The following UBXN11 variants were observed in gnomAD, a reference collection of about 807,000 sequenced individuals.
The protein encoded by UBXN11 is UBX domain-containing protein 11.
Under a neutral mutation model 62.8 loss-of-function variants are expected in UBXN11, and 47 were observed. That is an observed-to-expected ratio of 0.75 (90% CI 0.59 to 0.95). The LOEUF is 0.95. Ranked by LOEUF, UBXN11 falls within the 40% of genes least tolerant of loss-of-function variation. The pLI, the probability that UBXN11 is intolerant of heterozygous loss-of-function variation, is 0.00. For missense variants in UBXN11, 638 were observed against 661.7 expected (o/e 0.96, Z 0.39); for synonymous variants, 294 against 267.0 (o/e 1.10, Z -0.99).
Position 26,288,659 on chromosome 1 carries a change from C to CA in UBXN11, c.560-2623dup, listed in dbSNP as rs548950179. Among the ~76,000 whole-genome samples, 148 of 152,272 alleles carry CA rather than the reference C, an allele frequency of 9.7e-4. 1 individual carries two copies. Among genetic ancestry groups the CA allele is most frequent in the Non-Finnish European group, 1.7e-3 (116 of 68,006 alleles). On this transcript the variant is annotated intron_variant, in intron 8 of 14. Transcript: ENST00000374222. ...TCTGCCCTGAGCTAGCAGCAGAACT[C>CA]AAATGGAAAGGCACTTCCTCTTTGA...
intron 3 of UBXN11, among the ~76,000 whole-genome samples, chr1:26,301,340 A>G (rs2073529088): frequency 6.6e-6 from 1 of 152,022 alleles, no homozygotes; most frequent in Admixed American, 6.5e-5. Context: ...AAAGGCTGTC[A>G]CACTGGAGGA....
At chr1:26,301,327 G>A (rs1203911473) in intron 3 of UBXN11, among the ~76,000 whole-genome samples, 2 of 152,090 alleles carry the variant, frequency 1.3e-5, no homozygotes, top group Non-Finnish European at 2.9e-5. Flanking sequence ...GGCCTCCCGG[G>A]AGAAAGGCTG....
chr1:26,299,607 C>T (rs1017967323), intron 4 of UBXN11, among the ~76,000 whole-genome samples: 1 of 151,262 alleles, frequency 6.6e-6, no homozygotes, highest in Non-Finnish European at 1.5e-5. Flanking sequence ...AATGGGAGGG[C>T]AGCAGCTTGG....
chr1:26,287,922 C>T (rs1374845362), intron 8 of UBXN11, among the ~76,000 whole-genome samples: 9 of 142,326 alleles, frequency 6.3e-5, no homozygotes, highest in Non-Finnish European at 1.2e-4. Flanking sequence ...TTTTTTTTTC[C>T]GAGAAAGGGT....
intron 8 of UBXN11, among the ~76,000 whole-genome samples, chr1:26,293,262 G>A (rs1313564145): frequency 1.3e-5 from 2 of 152,146 alleles, no homozygotes; most frequent in Non-Finnish European, 2.9e-5. Context: ...CGAGTTGAGG[G>A]CCCAGGTGTG....
intron 8 of UBXN11, among the ~76,000 whole-genome samples, chr1:26,287,490 G>A (rs532341335): frequency 2.0e-5 from 3 of 151,806 alleles, no homozygotes; most frequent in African/African-American, 4.9e-5. Context: ...ATCTGTTTGG[G>A]TGTGCCCTAC....
At chr1:26,314,091 A>G (rs1222801357) in intron 1 of UBXN11, among the ~76,000 whole-genome samples, 2 of 152,112 alleles carry the variant, frequency 1.3e-5, no homozygotes, top group Admixed American at 6.6e-5. Context: ...GTTCTTTACT[A>G]TAATTTCTAG....
At chr1:26,297,377 G>A in intron 6 of UBXN11, 50 bp downstream of exon 6, 1 of 1,487,316 alleles carries the variant, frequency 6.7e-7, no homozygotes, top group East Asian at 2.5e-5. Context: ...CCTGGGCCCA[G>A]GGGAGGTGCC....
intron 1 of UBXN11, among the ~76,000 whole-genome samples, chr1:26,304,579 C>G (rs2073616638): frequency 6.6e-6 from 1 of 152,026 alleles, no homozygotes; most frequent in Non-Finnish European, 1.5e-5. Flanking sequence ...GTGGCAAAAC[C>G]CCATCTCTAC....
At position 26,282,682 on chromosome 1, in the gene UBXN11, A is replaced by G. The variant is rs372018986; in HGVS notation, c.1259T>C (p.Ile420Thr). 164 of 1,614,148 alleles carry G rather than the reference A, an allele frequency of 1.0e-4. No individual in the cohort carries two copies. The highest frequency in any genetic ancestry group is 2.8e-4 in the African/African-American group (21 of 75,062). Residue 420 changes from isoleucine (I) to threonine (T), a missense_variant, in exon 14 of 15, where the codon ATT becomes ACT. Ile to Thr is a moderately conservative substitution (Grantham distance 89, BLOSUM62 -1). Transcript: ENST00000374222. ...FLLMMQPDNT[I>T]GDVRALLAQA... is the part of the protein sequence containing the mutation. The stretch of plus-strand genomic sequence containing the variant: ...CGCTAGCAGAGCTCGCACGTCCCCA[A>G]TGGTGTTGTCAGGCTGCATCATCAG...
At chr1:26,291,205 G>C (rs925160045) in intron 8 of UBXN11, among the ~76,000 whole-genome samples, 1 of 152,218 alleles carries the variant, frequency 6.6e-6, no homozygotes, top group Non-Finnish European at 1.5e-5. Context: ...TCAGCCGAGT[G>C]TCAGGCAGGC....
intron 8 of UBXN11, among the ~76,000 whole-genome samples, chr1:26,289,132 C>T (rs2073198850): frequency 1.3e-5 from 2 of 152,218 alleles, no homozygotes; most frequent in Admixed American, 1.3e-4. Flanking sequence ...CCTCGCCTTG[C>T]GCTCTGGTGG....
chr1:26,286,213 T>C (rs1019363287), intron 8 of UBXN11, among the ~76,000 whole-genome samples, 176 bp from the exon 9 acceptor site: 4 of 152,254 alleles, frequency 2.6e-5, no homozygotes, highest in African/African-American at 4.8e-5. Flanking sequence ...TGAGCACTTA[T>C]TTTGTGCTAG....
At chr1:26,284,272 C>T in intron 11 of UBXN11, 27 bp from the exon 12 acceptor site, 2 of 1,606,786 alleles carry the variant, frequency 1.2e-6, no homozygotes, top group Non-Finnish European at 1.7e-6. Context: ...GAACCGGGGC[C>T]CAGGAAGGAC....
At chr1:26,314,911 C>T (rs1023869275) in intron 1 of UBXN11, among the ~76,000 whole-genome samples, 2 of 152,058 alleles carry the variant, frequency 1.3e-5, no homozygotes, top group African/African-American at 4.8e-5. Context: ...AGCAAAACTC[C>T]ACCCTCCACC....
At chr1:26,286,069 CT>C in intron 8 of UBXN11, 32 bp from the exon 9 acceptor site, 1 of 1,560,476 alleles carries the variant, frequency 6.4e-7, no homozygotes, top group Non-Finnish European at 8.7e-7. Context: ...TGTGAGCCGC[CT>C]TTTGGCTGTC....
At chr1:26,307,988 C>T (rs1253104289), upstream of UBXN11, among the ~76,000 whole-genome samples, 2 of 152,010 alleles carry the variant, frequency 1.3e-5, no homozygotes, top group Non-Finnish European at 2.9e-5. Flanking sequence ...AGATGAGGGC[C>T]GGGCGTGGTG....
intron 7 of UBXN11, 24 bp downstream of exon 7, chr1:26,296,895 T>G: frequency 6.3e-7 from 1 of 1,589,024 alleles, no homozygotes. Context: ...GCTGCCCGCA[T>G]CCCCCGGGGC....
In UBXN11 at chr1:26,284,487, C is replaced by G. The variant is rs775271796; in HGVS notation, c.853-5G>C. Reference sequence around the variant, plus strand: ...CTGATTGCGCAAGTCACTCACCTGGCAAGAAAGAAGGGCAACGACGGCAGC... The same window carrying G: ...CTGATTGCGCAAGTCACTCACCTGGGAAGAAAGAAGGGCAACGACGGCAGC... On this transcript the variant is annotated splice_polypyrimidine_tract_variant and splice_region_variant and intron_variant, in intron 10 of 14. Coordinates refer to ENST00000374222, the MANE Select transcript of UBXN11 (RefSeq NM_001389556.1). 2 of 1,588,248 alleles carry G rather than the reference C, an allele frequency of 1.3e-6. No individual in the cohort carries two copies. The highest frequency in any genetic ancestry group is 2.2e-5 in the South Asian group (2 of 89,282).
Sources: allele counts gnomAD v4.1 joint callset (sites outside exome capture counted in the v4.1 genomes callset), GRCh38; gene constraint gnomAD v4.1.1; transcripts MANE v1.5; gene names NCBI Gene and HGNC (gene_info 2026-07-23, HGNC 2026-07-21).